The following CPM variants were observed in gnomAD, a reference collection of about 807,000 sequenced individuals.
CPM encodes the protein renal carboxypeptidase.
A neutral mutation model predicts 46.4 loss-of-function variants in CPM; 35 were observed. The ratio of observed to expected loss-of-function variants is 0.75; its 90% CI spans 0.58 to 1.00. The LOEUF (loss-of-function observed/expected upper bound fraction) is 1.00, where lower values mean the gene tolerates loss of function less well. Ranked by LOEUF, CPM falls within the 50% of genes least tolerant of loss-of-function variation. The probability of loss-of-function intolerance (pLI) is 0.00; values close to 1 mark genes in which losing one functional copy is unlikely to be tolerated. For missense variants in CPM, 422 were observed against 530.4 expected (o/e 0.80, Z 2.01); for synonymous variants, 195 against 195.3 (o/e 1.00, Z 0.01).
At chr12:68,914,931 A>G (rs1010068713) in intron 2 of CPM, among the ~76,000 whole-genome samples, 3 of 152,232 alleles carry the variant, frequency 2.0e-5, no homozygotes, top group African/African-American at 7.2e-5. Context: ...CAGGGATAAT[A>G]CTACCTATTA....
chr12:68,857,183 TAG>T (rs923232438), intron 8 of CPM, among the ~76,000 whole-genome samples: 3 of 150,490 alleles, frequency 2.0e-5, no homozygotes, highest in African/African-American at 4.9e-5. Context: ...TTTTTTGAGA[TAG>T]AGTCTTGCTC....
rs111440269 is a variant in CPM, at chr12:68,943,801, C to A, written c.-3-10961G>T. Among the ~76,000 whole-genome samples, 527 of 151,980 alleles carry A rather than the reference C, an allele frequency of 3.5e-3. 5 individuals are homozygous for A. The highest frequency in any genetic ancestry group is 0.012 in the African/African-American group (500 of 41,492). On this transcript the variant is annotated intron_variant, in intron 1 of 8. Transcript: ENST00000546373. Reference sequence around the variant, plus strand: ...AGTCATACTCTTGTCTCTTAGGAAACAATATACTTACTGAAATTTATTTCT... The same window carrying A: ...AGTCATACTCTTGTCTCTTAGGAAAAAATATACTTACTGAAATTTATTTCT...
chr12:68,917,213 C>G (rs76130428), intron 2 of CPM, among the ~76,000 whole-genome samples: 8,483 of 77,240 alleles, frequency 0.11, 531 homozygotes, highest in African/African-American at 0.31. Flanking sequence ...TCCCTTTTCA[C>G]CTGGCTGATC....
At chr12:68,917,906 C>G (rs909349042) in intron 2 of CPM, among the ~76,000 whole-genome samples, 1 of 152,126 alleles carries the variant, frequency 6.6e-6, no homozygotes, top group African/African-American at 2.4e-5. Context: ...AACATGCATT[C>G]CTGAGAAACA....
At chr12:68,945,956 G>A (rs1888840773) in intron 1 of CPM, among the ~76,000 whole-genome samples, 1 of 143,932 alleles carries the variant, frequency 6.9e-6, no homozygotes. Flanking sequence ...GGGCTAAAGT[G>A]ATCCTGCCAT....
intron 3 of CPM, among the ~76,000 whole-genome samples, chr12:68,885,132 A>T (rs1451006724): frequency 1.3e-5 from 2 of 152,058 alleles, no homozygotes; most frequent in Non-Finnish European, 2.9e-5. Context: ...TTTAGTAGAG[A>T]CAAGGTTTCA....
In CPM at chr12:68,878,778, C is replaced by T. The variant is rs185209218; in HGVS notation, c.259-6822G>A. ...CTATCTGGACAACAGGCAAAATGAA[C>T]CTGTTGGGCAGTTACAAAAGCCCAT... On this transcript the variant is annotated intron_variant, in intron 3 of 8. Transcript: ENST00000551568. 3.5e-3 allele frequency among the ~76,000 whole-genome samples: 536 copies of T among 152,300 alleles called. 1 individual carries two copies. The highest frequency in any genetic ancestry group is 0.012 in the African/African-American group (511 of 41,554).
At chr12:68,858,841 C>G (rs1002431526) in intron 8 of CPM, 82 bp downstream of exon 8, 2 of 897,324 alleles carry the variant, frequency 2.2e-6, no homozygotes, top group East Asian at 6.4e-5. Context: ...ACTTCCTAGA[C>G]TTATTTTGGA....
At chr12:68,958,695 G>A (rs1889064859) in intron 1 of CPM, among the ~76,000 whole-genome samples, 3 of 152,172 alleles carry the variant, frequency 2.0e-5, no homozygotes, top group African/African-American at 7.2e-5. Flanking sequence ...TCAAATGCCA[G>A]AGGGGTGTTT....
chr12:68,945,612 A>C (rs1888833716), intron 1 of CPM, among the ~76,000 whole-genome samples: 1 of 152,216 alleles, frequency 6.6e-6, no homozygotes, highest in Admixed American at 6.5e-5. Context: ...TTGGTATAAC[A>C]AAAACGTTAG....
chr12:68,949,743 C>T (rs910633148), intron 1 of CPM, among the ~76,000 whole-genome samples: 7 of 152,254 alleles, frequency 4.6e-5, no homozygotes, highest in Non-Finnish European at 7.4e-5. Flanking sequence ...CACAAGCAAG[C>T]GAACACAGTT....
intron 3 of CPM, among the ~76,000 whole-genome samples, chr12:68,883,163 C>A (rs371493597): frequency 6.6e-5 from 10 of 152,204 alleles, no homozygotes; most frequent in African/African-American, 2.4e-4. Flanking sequence ...AATCCACAGA[C>A]CCTGAAGTCA....
intron 1 of CPM, among the ~76,000 whole-genome samples, chr12:68,961,572 T>C (rs1193466894): frequency 6.6e-6 from 1 of 152,202 alleles, no homozygotes; most frequent in African/African-American, 2.4e-5. Context: ...ACTACAGGTG[T>C]GCAACACTGT....
chr12:68,869,296 G>A (rs1592642814), intron 6 of CPM, 29 bp downstream of exon 6: 3 of 1,603,002 alleles, frequency 1.9e-6, no homozygotes, highest in Non-Finnish European at 2.6e-6. Flanking sequence ...AGGCAATAAG[G>A]AGAATGGAAG....
At chr12:68,885,281 A>C (rs1184523474) in intron 3 of CPM, among the ~76,000 whole-genome samples, 1 of 152,190 alleles carries the variant, frequency 6.6e-6, no homozygotes, top group Admixed American at 6.5e-5. Flanking sequence ...GAGAATCATA[A>C]GTGTGATTGT....
chr12:68,959,414 A>C (rs932857277), intron 1 of CPM, among the ~76,000 whole-genome samples: 1 of 146,556 alleles, frequency 6.8e-6, no homozygotes, highest in African/African-American at 2.7e-5. Context: ...TGTTATTGTA[A>C]AAAAAAAAAT....
At chr12:68,912,495 T>A (rs962118120) in intron 2 of CPM, among the ~76,000 whole-genome samples, 2 of 152,104 alleles carry the variant, frequency 1.3e-5, no homozygotes, top group East Asian at 3.8e-4. Context: ...GAAACCTATA[T>A]CTAAAATGAC....
intron 7 of CPM, among the ~76,000 whole-genome samples, chr12:68,863,748 C>T (rs1463612766): frequency 6.6e-6 from 1 of 152,170 alleles, no homozygotes; most frequent in Non-Finnish European, 1.5e-5. Flanking sequence ...CCTTTCCTTC[C>T]CAGACAAGGT....
chr12:68,879,959 T>A (rs977724436), intron 3 of CPM, among the ~76,000 whole-genome samples: 5 of 151,980 alleles, frequency 3.3e-5, no homozygotes, highest in African/African-American at 4.8e-5. Context: ...TGGTTATAGT[T>A]TACTACACAC....
Sources: allele counts gnomAD v4.1 joint callset (sites outside exome capture counted in the v4.1 genomes callset), GRCh38; gene constraint gnomAD v4.1.1; transcripts MANE v1.5; gene names NCBI Gene and HGNC (gene_info 2026-07-23, HGNC 2026-07-21).